The following CFAP54 variants were observed in gnomAD, a reference collection of about 807,000 sequenced individuals.
The protein encoded by CFAP54 is cilia and flagella associated protein 54.
CFAP54 carries 290 observed loss-of-function variants against 370.4 expected under a neutral mutation model. The ratio of observed to expected loss-of-function variants is 0.78; its 90% CI spans 0.71 to 0.86. The LOEUF is 0.86. Among genes scored for constraint, CFAP54 ranks in the 40% least tolerant of loss-of-function variants. The probability of loss-of-function intolerance (pLI) is 0.00; values close to 1 mark genes in which losing one functional copy is unlikely to be tolerated. For missense variants in CFAP54, 3,399 were observed against 3,528.7 expected (o/e 0.96, Z 0.93); for synonymous variants, 1,206 against 1,236.5 (o/e 0.98, Z 0.52).
chr12:96,831,657 C>T (rs989188754), intron 66 of CFAP54, among the ~76,000 whole-genome samples: 2 of 152,116 alleles, frequency 1.3e-5, no homozygotes, highest in African/African-American at 4.8e-5. Flanking sequence ...TGAAGTAAGA[C>T]CTGAAATATT....
At chr12:96,556,411 T>G (rs1955752087) in intron 17 of CFAP54, among the ~76,000 whole-genome samples, 1 of 152,094 alleles carries the variant, frequency 6.6e-6, no homozygotes, top group South Asian at 2.1e-4. Flanking sequence ...TTTTTCAAAT[T>G]AAATGCTTTT....
Position 96,647,857 on chromosome 12 carries a change from A to AT in CFAP54, c.4548-13dup. On this transcript the variant is annotated splice_polypyrimidine_tract_variant and intron_variant, in intron 33 of 67. Transcript: ENST00000524981. Reference sequence around the variant, plus strand: ...TTTGCTTATATTGTTTTTTAATATGATTTTTCCCCCCTTGCAGTTTCCGAT... The same window carrying AT: ...TTTGCTTATATTGTTTTTTAATATGATTTTTTCCCCCCTTGCAGTTTCCGAT... 6 of 1,483,954 alleles carry AT rather than the reference A, an allele frequency of 4.0e-6. No individual in the cohort carries two copies. The highest frequency in any genetic ancestry group is 5.3e-6 in the Non-Finnish European group (6 of 1,127,962). The allele number at this position is 1,483,954 out of a possible 1,614,324, so 91.9% of individuals were successfully genotyped here. A position where few individuals can be genotyped will look rare whatever the true frequency, so the allele number is the denominator to read the frequency against.
At chr12:96,685,265 G>A (rs7974634) in intron 42 of CFAP54, 27 bp downstream of exon 42, 1,335,883 of 1,605,706 alleles carry the variant, frequency 0.83, 557,863 homozygotes, top group African/African-American at 0.96. Flanking sequence ...AAGGATCCCC[G>A]TACTAGCTAA....
chr12:96,837,474 A>G (rs1959189869), intron 66 of CFAP54, among the ~76,000 whole-genome samples: 1 of 151,854 alleles, frequency 6.6e-6, no homozygotes, highest in Admixed American at 6.6e-5. Flanking sequence ...TTTGTACTTA[A>G]TAGTTTTTAT....
intron 17 of CFAP54, among the ~76,000 whole-genome samples, chr12:96,558,193 T>A (rs1198219242): frequency 1.3e-5 from 2 of 152,170 alleles, no homozygotes; most frequent in Non-Finnish European, 2.9e-5. Context: ...AATATATTTT[T>A]GTATTTATAA....
intron 48 of CFAP54, among the ~76,000 whole-genome samples, chr12:96,711,093 A>G (rs1957608556): frequency 6.6e-6 from 1 of 152,132 alleles, no homozygotes; most frequent in Non-Finnish European, 1.5e-5. Context: ...CTTTACTTGT[A>G]GTTCTCTTAA....
At chr12:96,830,092 T>A (rs530806258) in intron 66 of CFAP54, among the ~76,000 whole-genome samples, 1 of 152,318 alleles carries the variant, frequency 6.6e-6, no homozygotes, top group East Asian at 1.9e-4. Context: ...CCATTGTATG[T>A]ATATACCACT....
At chr12:96,665,575 G>C (rs1207065125) in intron 39 of CFAP54, among the ~76,000 whole-genome samples, 1 of 151,946 alleles carries the variant, frequency 6.6e-6, no homozygotes, top group Admixed American at 6.5e-5. Context: ...ATTGAATAGG[G>C]AATTTTTTTC....
intron 38 of CFAP54, among the ~76,000 whole-genome samples, chr12:96,660,384 TC>T (rs1036639742): frequency 2.0e-5 from 3 of 152,160 alleles, no homozygotes; most frequent in African/African-American, 7.2e-5. Flanking sequence ...CCTTTTCTTC[TC>T]CATCCACATA....
Position 96,623,814 on chromosome 12 carries a change from A to G in CFAP54, c.3819A>G (p.Leu1273=), listed in dbSNP as rs1483404453. The change falls in exon 28 of 68, where the codon CTA becomes CTG. Residue 1273 remains leucine, a synonymous_variant. Transcript: ENST00000524981. ...SLKTKKPQQI[L]LPEKINEQLA... is the part of the protein sequence containing the mutation. ...AGACTAAGAAGCCACAGCAGATACTACTGCCTGAAAAGATAAATGAACAGC... is the reference window on the plus strand; with the variant it reads ...AGACTAAGAAGCCACAGCAGATACTGCTGCCTGAAAAGATAAATGAACAGC... 6.5e-7 allele frequency: 1 copy of G among 1,535,730 alleles called. No homozygotes were observed. Among genetic ancestry groups the G allele is most frequent in the Admixed American group, 2.0e-5 (1 of 50,990 alleles).
Position 96,554,313 on chromosome 12 carries a change from A to G in CFAP54, c.2283+3A>G. On this transcript the variant is annotated splice_donor_region_variant and intron_variant, in intron 16 of 67. Coordinates refer to ENST00000524981, the MANE Select transcript of CFAP54 (RefSeq NM_001306084.2). ...TAATTGACCACTGCTATGCCAAGGTAAGAATGGAAGAGTCTTAAATTAGAT... is the reference window on the plus strand; with the variant it reads ...TAATTGACCACTGCTATGCCAAGGTGAGAATGGAAGAGTCTTAAATTAGAT... The G allele has an allele frequency of 6.6e-7, 1 of 1,505,172 alleles. No individual in the cohort carries two copies. Among genetic ancestry groups the G allele is most frequent in the South Asian group, 1.3e-5 (1 of 77,326 alleles). The allele number at this position is 1,505,172 out of a possible 1,614,324, so 93.2% of individuals were successfully genotyped here. A position where few individuals can be genotyped will look rare whatever the true frequency, so the allele number is the denominator to read the frequency against.
Position 96,790,669 on chromosome 12 carries a change from A to AT in CFAP54, c.8680-1651dup, listed in dbSNP as rs901663361. 1.6e-3 allele frequency among the ~76,000 whole-genome samples: 238 copies of AT among 151,330 alleles called. 1 individual carries two copies. The highest frequency in any genetic ancestry group is 5.4e-3 in the African/African-American group (223 of 41,332). On this transcript the variant is annotated intron_variant, in intron 62 of 67. Coordinates refer to ENST00000524981, the MANE Select transcript of CFAP54 (RefSeq NM_001306084.2). The stretch of plus-strand genomic sequence containing the variant: ...ATTTTTTGAATTAATTATTTACTTG[A>AT]TTTTTTTTTGATGAACTGCCTGACA...
chr12:96,653,705 AG>A (rs1307051723), intron 36 of CFAP54, among the ~76,000 whole-genome samples: 2 of 152,026 alleles, frequency 1.3e-5, no homozygotes, highest in Non-Finnish European at 2.9e-5. Context: ...ATAGAAAAAA[AG>A]AGCAAATTAA....
At chr12:96,624,583 A>T (rs1331597285) in intron 28 of CFAP54, among the ~76,000 whole-genome samples, 5 of 152,176 alleles carry the variant, frequency 3.3e-5, no homozygotes, top group Non-Finnish European at 7.3e-5. Context: ...GTTTCTGGTG[A>T]TGATTAGTAT....
At chr12:96,756,724 A>C (rs2136660568) in intron 57 of CFAP54, among the ~76,000 whole-genome samples, 161 bp downstream of exon 57, 1 of 152,244 alleles carries the variant, frequency 6.6e-6, no homozygotes, top group Middle Eastern at 3.4e-3. Flanking sequence ...TTCTGACCCA[A>C]AGCCTCCTTT....
intron 46 of CFAP54, among the ~76,000 whole-genome samples, chr12:96,701,191 A>T (rs930249996): frequency 2.0e-5 from 3 of 152,098 alleles, no homozygotes; most frequent in Non-Finnish European, 4.4e-5. Flanking sequence ...TGAGATTGAT[A>T]GGTAGATGGA....
intron 63 of CFAP54, among the ~76,000 whole-genome samples, chr12:96,803,807 A>G (rs1334836041): frequency 2.0e-5 from 3 of 152,188 alleles, no homozygotes; most frequent in African/African-American, 4.8e-5. Context: ...GCACATATCA[A>G]TGGAAGGACA....
intron 38 of CFAP54, among the ~76,000 whole-genome samples, chr12:96,660,653 TCC>T (rs1472838347): frequency 6.6e-6 from 1 of 152,190 alleles, no homozygotes; most frequent in Non-Finnish European, 1.5e-5. Flanking sequence ...TGGGGATTTC[TCC>T]CCACCACTAA....
intron 32 of CFAP54, among the ~76,000 whole-genome samples, chr12:96,639,911 T>A (rs1456272289): frequency 6.6e-6 from 1 of 152,154 alleles, no homozygotes; most frequent in Non-Finnish European, 1.5e-5. Flanking sequence ...ATAAATTAGG[T>A]ATTGATGGGA....
Sources: gnomAD v4.1 joint callset for allele counts (sites outside exome capture counted in the v4.1 genomes callset) on GRCh38, gnomAD v4.1.1 for gene constraint, MANE v1.5 for transcripts, NCBI Gene and HGNC (gene_info 2026-07-23, HGNC 2026-07-21) for gene names.